RREB1: variants seen among roughly 807,000 people sequenced by gnomAD.
The protein encoded by RREB1 is ras-responsive element-binding protein 1.
In RREB1, 27 loss-of-function variants were observed where a neutral mutation model predicts 117.8. That is an observed-to-expected ratio of 0.23 (90% CI 0.17 to 0.32). The LOEUF (loss-of-function observed/expected upper bound fraction) is 0.32. Among genes scored for constraint, RREB1 ranks in the 10% least tolerant of loss-of-function variants. The pLI is 1.00. For synonymous variants in RREB1, 1,298 were observed against 1,026.7 expected, an observed-to-expected ratio of 1.26 and a Z score of -5.05; for missense variants, 2,577 against 2,378.2, an observed-to-expected ratio of 1.08 and a Z score of -1.74.
At chr6:7,176,387 A>G (rs1224654309) in intron 1 of RREB1, among the ~76,000 whole-genome samples, 1 of 152,136 alleles carries the variant, frequency 6.6e-6, no homozygotes, top group East Asian at 1.9e-4. Context: ...CCATTCTCAC[A>G]TGGTGCTGCC....
intron 11 of RREB1, among the ~76,000 whole-genome samples, chr6:7,243,661 A>G (rs1338261757): frequency 6.6e-6 from 1 of 152,186 alleles, no homozygotes; most frequent in Admixed American, 6.5e-5. Context: ...CACTCCCCCT[A>G]GTGGGAGTTT....
chr6:7,225,892 A>AG (rs1201855606), intron 8 of RREB1, among the ~76,000 whole-genome samples: 2 of 152,196 alleles, frequency 1.3e-5, no homozygotes, highest in Non-Finnish European at 2.9e-5. Context: ...TCAGTCCATG[A>AG]GGACCATGGT....
At chr6:7,196,142 C>A (rs1176685077) in intron 6 of RREB1, among the ~76,000 whole-genome samples, 1 of 151,972 alleles carries the variant, frequency 6.6e-6, no homozygotes, top group African/African-American at 2.4e-5. Flanking sequence ...CAGATGAGCC[C>A]AGCCCTCCGG....
At chr6:7,179,570 G>A (rs1227827708) in intron 2 of RREB1, among the ~76,000 whole-genome samples, 1 of 152,174 alleles carries the variant, frequency 6.6e-6, no homozygotes, top group Non-Finnish European at 1.5e-5. Context: ...TTAAAAGAAG[G>A]AGGTGAGTTC....
intron 1 of RREB1, among the ~76,000 whole-genome samples, chr6:7,123,984 G>A (rs1252685402): frequency 1.3e-5 from 2 of 152,286 alleles, no homozygotes; most frequent in South Asian, 2.1e-4. Flanking sequence ...ATCTTGCTAA[G>A]AATGCGGCAT....
intron 1 of RREB1, among the ~76,000 whole-genome samples, chr6:7,160,682 T>C (rs565143281): frequency 6.1e-5 from 9 of 147,354 alleles, no homozygotes; most frequent in East Asian, 2.0e-4. Context: ...GATAACTTTT[T>C]TTTTTTCTTT....
At chr6:7,231,969 T>G (rs764002200) in intron 10 of RREB1, 62 bp downstream of exon 10, 26 of 1,491,162 alleles carry the variant, frequency 1.7e-5, no homozygotes, top group Non-Finnish European at 2.3e-5. Context: ...GAGCCACGAG[T>G]GGGGGTCAAA....
intron 1 of RREB1, among the ~76,000 whole-genome samples, chr6:7,131,508 G>A (rs184538222): frequency 1.3e-5 from 2 of 152,328 alleles, no homozygotes; most frequent in East Asian, 3.9e-4. Context: ...AGATGAGGAA[G>A]CTGGGGCTTA....
chr6:7,137,073 A>T, intron 1 of RREB1, among the ~76,000 whole-genome samples: 1 of 152,230 alleles, frequency 6.6e-6, no homozygotes. Flanking sequence ...ATCACCCAGG[A>T]TCTGGCGACG....
Position 7,230,975 on chromosome 6 carries a change from C to T in RREB1, c.2876C>T (p.Pro959Leu). The change falls in exon 10 of 13, where the codon CCT becomes CTT. Residue 959 changes from proline (P) to leucine (L), a missense_variant. Transcript: ENST00000379938. ...GCCACTCCCAGCGAAGCCAAGAAGC[C>T]TGAGGAGGAGGCGGGGAGCAGCGAG... ...DLATPSEAKK[P>L]EEEAGSSEQP... 6.2e-7 allele frequency: 1 copy of T among 1,614,156 alleles called. No individual in the cohort carries two copies. The highest frequency in any genetic ancestry group is 8.5e-7 in the Non-Finnish European group (1 of 1,179,990).
intron 10 of RREB1, among the ~76,000 whole-genome samples, chr6:7,236,390 ATCTGGCAGTGAGGG>A (rs1323303791): frequency 1.3e-5 from 2 of 152,010 alleles, no homozygotes; most frequent in Non-Finnish European, 2.9e-5. Context: ...CCCTGCTTCT[ATCTGGCAGTGAGGG>A]TCAGAGCTTC....
intron 1 of RREB1, among the ~76,000 whole-genome samples, chr6:7,110,144 G>A (rs1229856347): frequency 1.3e-5 from 2 of 152,176 alleles, no homozygotes; most frequent in African/African-American, 4.8e-5. Context: ...GACCCTGCAT[G>A]TGTGCGAGTT....
rs1462981443 is a variant in RREB1 at position 7,231,171 on chromosome 6, C to G, written c.3072C>G (p.Val1024=). The part of the protein sequence containing the change: ...LAVPIYSSAL[V]SSPPLVGSSA... ...TCCCAATCTACTCCTCAGCCCTGGT[C>G]AGCAGCCCTCCACTCGTGGGCAGCT... The change falls in exon 10 of 13, where the codon GTC becomes GTG. Residue 1024 remains valine (V), a synonymous_variant. Transcript: ENST00000379938. 3.7e-6 allele frequency: 6 copies of G among 1,611,668 alleles called. No homozygotes were observed. The highest frequency in any genetic ancestry group is 5.1e-6 in the Non-Finnish European group (6 of 1,179,342).
In RREB1 at chr6:7,249,304, G is replaced by C. The variant is rs968333470; in HGVS notation, c.*336G>C. 1 of 275,332 alleles carries C rather than the reference G, an allele frequency of 3.6e-6. No individual in the cohort carries two copies. Among genetic ancestry groups the C allele is most frequent in the African/African-American group, 2.2e-5 (1 of 45,824 alleles). 17.1% of individuals were successfully genotyped at this position (275,332 alleles called of 1,614,324 possible). On this transcript the variant is annotated 3_prime_UTR_variant, in exon 13 of 13. Transcript: ENST00000379938. ...GTCTGGAGAGGACCTCTTCATTTGA[G>C]CATTAGCGTTATTTTGTATTGGTGT...
chr6:7,224,560 C>G (rs1477563977), intron 8 of RREB1, among the ~76,000 whole-genome samples: 1 of 152,134 alleles, frequency 6.6e-6, no homozygotes, highest in African/African-American at 2.4e-5. Flanking sequence ...ATCTCCAGGA[C>G]AGAGGCTGTT....
At chr6:7,154,435 G>A (rs1763264676) in intron 1 of RREB1, among the ~76,000 whole-genome samples, 1 of 152,214 alleles carries the variant, frequency 6.6e-6, no homozygotes, top group Non-Finnish European at 1.5e-5. Context: ...CATCACTGGG[G>A]ACGTGAAGGA....
At chr6:7,123,885 A>G (rs1021505065) in intron 1 of RREB1, among the ~76,000 whole-genome samples, 1 of 152,080 alleles carries the variant, frequency 6.6e-6, no homozygotes, top group African/African-American at 2.4e-5. Context: ...TACTGGGATT[A>G]CAGGTGTGAG....
chr6:7,226,767 G>T, intron 9 of RREB1, 111 bp downstream of exon 9: 1 of 863,666 alleles, frequency 1.2e-6, no homozygotes. Flanking sequence ...TGTCGGTTGG[G>T]CTTTGTCTTT....
intron 8 of RREB1, among the ~76,000 whole-genome samples, chr6:7,223,676 A>G (rs1767411707): frequency 6.6e-6 from 1 of 152,080 alleles, no homozygotes; most frequent in African/African-American, 2.4e-5. Context: ...CTGGCACATT[A>G]CATATATGCA....
Sources: gnomAD v4.1 joint callset for allele counts (sites outside exome capture counted in the v4.1 genomes callset) on GRCh38, gnomAD v4.1.1 for gene constraint, MANE v1.5 for transcripts, NCBI Gene and HGNC (gene_info 2026-07-23, HGNC 2026-07-21) for gene names.